UBE3D: variants seen among roughly 807,000 people sequenced by gnomAD.
UBE3D encodes the protein E3 ubiquitin-protein ligase E3D.
In UBE3D, 48 loss-of-function variants were observed where a neutral mutation model predicts 49.6. The ratio of observed to expected loss-of-function variants is 0.97; its 90% CI spans 0.77 to 1.23. The LOEUF (loss-of-function observed/expected upper bound fraction) is 1.23. UBE3D is among the 50% of genes most tolerant of loss of function. UBE3D has a pLI of 0.00. For missense variants in UBE3D, 452 were observed against 468.4 expected (o/e 0.96, Z 0.32); for synonymous variants, 189 against 174.2 (o/e 1.08, Z -0.67).
chr6:82,986,307 C>T (rs777253655), intron 8 of UBE3D, among the ~76,000 whole-genome samples: 14 of 151,600 alleles, frequency 9.2e-5, no homozygotes, highest in Non-Finnish European at 1.5e-4. Context: ...TTCATCTCTA[C>T]TAAAAATACA....
intron 9 of UBE3D, among the ~76,000 whole-genome samples, chr6:82,949,515 T>G (rs1775638911): frequency 6.6e-6 from 1 of 151,888 alleles, no homozygotes. Context: ...AAAAAAAATC[T>G]TAAAAGTTAT....
chr6:83,007,103 TA>T (rs1780033246), intron 8 of UBE3D, among the ~76,000 whole-genome samples: 1 of 152,152 alleles, frequency 6.6e-6, no homozygotes, highest in Non-Finnish European at 1.5e-5. Context: ...TTAAACTGTC[TA>T]AAGCTAAAAC....
At chr6:83,057,112 CA>C (rs1211338628) in intron 2 of UBE3D, among the ~76,000 whole-genome samples, 1 of 152,112 alleles carries the variant, frequency 6.6e-6, no homozygotes, top group East Asian at 1.9e-4. Context: ...AATTAAGTAT[CA>C]AACTCAACTG....
chr6:82,914,007 A>C (rs1434066550), intron 9 of UBE3D, among the ~76,000 whole-genome samples: 1 of 152,204 alleles, frequency 6.6e-6, no homozygotes, highest in East Asian at 1.9e-4. Context: ...ACAGAACACT[A>C]GAGTTTAAGA....
intron 9 of UBE3D, among the ~76,000 whole-genome samples, chr6:82,908,144 T>C (rs1404893288): frequency 6.6e-6 from 1 of 152,082 alleles, no homozygotes; most frequent in Non-Finnish European, 1.5e-5. Context: ...ACAAAATGAA[T>C]CTAAGATGAT....
rs141845170 is a variant in UBE3D at position 82,903,356 on chromosome 6, T to C, written c.1150-10314A>G. Among the ~76,000 whole-genome samples, 1,046 of 152,168 alleles carry C rather than the reference T, an allele frequency of 6.9e-3. 6 individuals carry two copies. Among genetic ancestry groups the C allele is most frequent in the Non-Finnish European group, 9.1e-3 (618 of 68,006 alleles). On this transcript the variant is annotated intron_variant, in intron 9 of 9. Coordinates refer to ENST00000369747, the MANE Select transcript of UBE3D (RefSeq NM_198920.3). Reference sequence around the variant, plus strand: ...AGTGGTAAGGAGGAGAAAGAAGAGATAGAATGGCAAAGTAAATCCTACTCT... The same window carrying C: ...AGTGGTAAGGAGGAGAAAGAAGAGACAGAATGGCAAAGTAAATCCTACTCT...
At chr6:83,054,293 A>T in intron 2 of UBE3D, 55 bp from the exon 3 acceptor site, 1 of 1,343,982 alleles carries the variant, frequency 7.4e-7, no homozygotes, top group African/African-American at 1.4e-5. Flanking sequence ...ATATATTAAC[A>T]TACTTAAACA....
At chr6:82,995,895 C>T (rs996740013) in intron 8 of UBE3D, among the ~76,000 whole-genome samples, 14 of 151,958 alleles carry the variant, frequency 9.2e-5, no homozygotes, top group African/African-American at 3.1e-4. Context: ...GAGGAAACAC[C>T]GTCTCTACTA....
At chr6:82,935,171 A>G (rs1044093770) in intron 9 of UBE3D, among the ~76,000 whole-genome samples, 1 of 151,296 alleles carries the variant, frequency 6.6e-6, no homozygotes, top group Non-Finnish European at 1.5e-5. Flanking sequence ...GAAGCTTACA[A>G]TCATAGCAGA....
downstream of UBE3D, among the ~76,000 whole-genome samples, chr6:82,890,563 C>A (rs895754747): frequency 2.0e-4 from 31 of 152,148 alleles, no homozygotes; most frequent in Non-Finnish European, 1.9e-4. Flanking sequence ...GAAACCTGCC[C>A]TTTGTGTGCA....
intron 8 of UBE3D, among the ~76,000 whole-genome samples, chr6:83,003,268 A>G (rs1450682184): frequency 6.6e-6 from 1 of 152,146 alleles, no homozygotes; most frequent in Non-Finnish European, 1.5e-5. Flanking sequence ...AGCCATTTGT[A>G]TTCTCACAGA....
chr6:82,986,360 A>G (rs544714881), intron 8 of UBE3D, among the ~76,000 whole-genome samples: 2 of 150,964 alleles, frequency 1.3e-5, no homozygotes, highest in Non-Finnish European at 2.9e-5. Flanking sequence ...AATCCGACCT[A>G]CTCGGGAGGC....
intron 9 of UBE3D, among the ~76,000 whole-genome samples, chr6:82,894,699 T>C (rs1771183583): frequency 6.6e-6 from 1 of 152,164 alleles, no homozygotes; most frequent in Admixed American, 6.5e-5. Flanking sequence ...CCTGTGAATA[T>C]ACCAGATGAG....
At chr6:82,978,512 G>A (rs948872281) in intron 8 of UBE3D, among the ~76,000 whole-genome samples, 2 of 152,064 alleles carry the variant, frequency 1.3e-5, no homozygotes, top group African/African-American at 2.4e-5. Context: ...AAATCCCAAA[G>A]GGCCTTGTTA....
At chr6:82,882,124 G>T in the UBE3D span, among the ~76,000 whole-genome samples, 1 of 152,098 alleles carries the variant, frequency 6.6e-6, no homozygotes, top group Admixed American at 6.5e-5. Context: ...GACTCTAGGA[G>T]CCAGGGTTTG....
intron 3 of UBE3D, among the ~76,000 whole-genome samples, chr6:83,051,355 TG>T (rs1783455997): frequency 6.6e-6 from 1 of 152,128 alleles, no homozygotes; most frequent in Non-Finnish European, 1.5e-5. Flanking sequence ...CTCAGTTCCA[TG>T]ACTGTAAAAG....
intron 7 of UBE3D, among the ~76,000 whole-genome samples, chr6:83,021,493 T>C (rs149124141): frequency 6.8e-6 from 1 of 146,010 alleles, no homozygotes; most frequent in African/African-American, 2.5e-5. Flanking sequence ...AACATAAGAG[T>C]ACTAAATAGG....
At chr6:82,990,475 A>G (rs1778809229) in intron 8 of UBE3D, among the ~76,000 whole-genome samples, 1 of 152,034 alleles carries the variant, frequency 6.6e-6, no homozygotes, top group African/African-American at 2.4e-5. Context: ...ACACGGTTTC[A>G]CCATGTTGGA....
At chr6:82,974,636 T>C (rs184619973) in intron 8 of UBE3D, among the ~76,000 whole-genome samples, 12 of 152,284 alleles carry the variant, frequency 7.9e-5, no homozygotes, top group Non-Finnish European at 1.3e-4. Flanking sequence ...TACAGAAGGC[T>C]GACTGTATTA....
Sources: gnomAD v4.1 joint callset for allele counts (sites outside exome capture counted in the v4.1 genomes callset) on GRCh38, gnomAD v4.1.1 for gene constraint, MANE v1.5 for transcripts, NCBI Gene and HGNC (gene_info 2026-07-23, HGNC 2026-07-21) for gene names.